The following MAGI1 variants were observed in gnomAD, a reference collection of about 807,000 sequenced individuals.
MAGI1 encodes membrane-associated guanylate kinase, WW and PDZ domain-containing protein 1.
A neutral mutation model predicts 139.9 loss-of-function variants in MAGI1; 58 were observed. The observed-to-expected ratio is 0.41, with a 90% confidence interval of 0.34 to 0.52. The LOEUF (loss-of-function observed/expected upper bound fraction) is 0.52, where lower values mean the gene tolerates loss of function less well. MAGI1 is among the 20% of genes least tolerant of loss of function. MAGI1 has a pLI of 0.12. For missense variants in MAGI1, 1,874 were observed against 1,901.6 expected, an observed-to-expected ratio of 0.99 and a Z score of 0.27; for synonymous variants, 812 against 737.9, an observed-to-expected ratio of 1.10 and a Z score of -1.63.
At chr3:65,572,052 C>T (rs956772851) in intron 2 of MAGI1, among the ~76,000 whole-genome samples, 3 of 151,998 alleles carry the variant, frequency 2.0e-5, no homozygotes, top group African/African-American at 7.2e-5. Context: ...AAAGATTATC[C>T]TTTAACAGGA....
At chr3:65,667,876 A>AT (rs1230389811) in intron 1 of MAGI1, among the ~76,000 whole-genome samples, 2 of 151,906 alleles carry the variant, frequency 1.3e-5, no homozygotes, top group Non-Finnish European at 2.9e-5. Context: ...GAAGAAACCA[A>AT]TTTTTTTTAA....
At chr3:66,002,545 C>G (rs765564084) in intron 1 of MAGI1, among the ~76,000 whole-genome samples, 1 of 152,056 alleles carries the variant, frequency 6.6e-6, no homozygotes, top group African/African-American at 2.4e-5. Flanking sequence ...GGGACAGACT[C>G]TCACTCTCTT....
intron 13 of MAGI1, among the ~76,000 whole-genome samples, chr3:65,394,075 G>A (rs1389929454): frequency 6.6e-6 from 1 of 152,112 alleles, no homozygotes; most frequent in Non-Finnish European, 1.5e-5. Flanking sequence ...GATTCAGCAT[G>A]TCACGTCATG....
At chr3:65,884,003 A>G (rs62245747) in intron 1 of MAGI1, among the ~76,000 whole-genome samples, 26,750 of 152,228 alleles carry the variant, frequency 0.18, 2,638 homozygotes, top group Middle Eastern at 0.29. Flanking sequence ...AAAAATCAGA[A>G]AGAAGGAAAA....
At chr3:65,401,389 C>CCCCCCAA in intron 13 of MAGI1, 50 bp downstream of exon 13, 3 of 1,548,724 alleles carry the variant, frequency 1.9e-6, no homozygotes, top group Non-Finnish European at 1.8e-6. Context: ...TCCAGCCCCC[C>CCCCCCAA]ACCATCCACC....
At chr3:65,838,394 T>G (rs535157627) in intron 1 of MAGI1, among the ~76,000 whole-genome samples, 2 of 152,212 alleles carry the variant, frequency 1.3e-5, no homozygotes, top group Non-Finnish European at 2.9e-5. Context: ...CTTTAGTGCA[T>G]ACACACCTCT....
intron 2 of MAGI1, among the ~76,000 whole-genome samples, chr3:65,511,241 A>G (rs1576113066): frequency 6.6e-6 from 1 of 150,662 alleles, no homozygotes; most frequent in South Asian, 2.1e-4. Flanking sequence ...AAGAAACTGC[A>G]TCAACTAATG....
intron 1 of MAGI1, among the ~76,000 whole-genome samples, chr3:65,857,987 T>TAGTC (rs1246890205): frequency 1.3e-5 from 2 of 152,136 alleles, no homozygotes; most frequent in Non-Finnish European, 2.9e-5. Context: ...CTTGTGCCTA[T>TAGTC]AGTCCCAGCT....
intron 1 of MAGI1, among the ~76,000 whole-genome samples, chr3:65,726,058 A>C (rs2033568669): frequency 6.6e-6 from 1 of 152,204 alleles, no homozygotes. Context: ...TTCTTGGCAG[A>C]GTATAGTAAA....
At chr3:65,947,496 A>T (rs1431641397) in intron 1 of MAGI1, among the ~76,000 whole-genome samples, 1 of 152,222 alleles carries the variant, frequency 6.6e-6, no homozygotes, top group Admixed American at 6.5e-5. Context: ...AAATCATCAA[A>T]TGAATACACT....
rs761253968 is a variant in MAGI1, at chr3:65,538,177, T to C, written c.431-44546A>G. ...TAAATAAAATAAATGTAAACAGTTA[T>C]GTTTACAACACCCTCTGCCTTTTCC... On this transcript the variant is annotated intron_variant, in intron 2 of 22. Coordinates refer to ENST00000402939, the MANE Select transcript of MAGI1 (RefSeq NM_001033057.2). Among the ~76,000 whole-genome samples the C allele has an allele frequency of 1.3e-3, 200 of 152,178 alleles. 4 individuals carry two copies. Among genetic ancestry groups the C allele is most frequent in the Non-Finnish European group, 4.3e-4 (29 of 68,026 alleles).
intron 1 of MAGI1, among the ~76,000 whole-genome samples, chr3:65,821,923 CAGA>C (rs1218569218): frequency 7.2e-5 from 11 of 152,208 alleles, no homozygotes; most frequent in Admixed American, 2.0e-4. Context: ...TATGATTTTT[CAGA>C]AGTTCTTTTC....
intron 1 of MAGI1, among the ~76,000 whole-genome samples, chr3:65,883,768 G>C (rs36016219): frequency 0.2 from 30,932 of 152,108 alleles, 3,291 homozygotes; most frequent in Middle Eastern, 0.3. Flanking sequence ...TCAGACAGAG[G>C]GAGAAACAAT....
chr3:65,990,714 T>C (rs1262054124), intron 1 of MAGI1, among the ~76,000 whole-genome samples: 2 of 152,274 alleles, frequency 1.3e-5, no homozygotes, highest in Non-Finnish European at 2.9e-5. Context: ...ATATAGGCCA[T>C]TGTGCAGAAG....
chr3:65,477,807 C>T (rs1465194340), intron 4 of MAGI1, among the ~76,000 whole-genome samples: 1 of 151,048 alleles, frequency 6.6e-6, no homozygotes, highest in East Asian at 1.9e-4. Context: ...GCAATCTTTG[C>T]CCTTCAGGGA....
intron 1 of MAGI1, among the ~76,000 whole-genome samples, chr3:65,650,855 C>T (rs527503408): frequency 1.6e-4 from 24 of 152,244 alleles, no homozygotes; most frequent in African/African-American, 3.6e-4. Context: ...AACTACTATA[C>T]GATTCTTACA....
intron 1 of MAGI1, among the ~76,000 whole-genome samples, chr3:65,766,345 T>C (rs2037472097): frequency 6.6e-6 from 1 of 152,118 alleles, no homozygotes; most frequent in African/African-American, 2.4e-5. Context: ...ATACCCAAGC[T>C]ATTGTGATTC....
chr3:65,845,761 T>C (rs1385238731), intron 1 of MAGI1, among the ~76,000 whole-genome samples: 4 of 152,202 alleles, frequency 2.6e-5, no homozygotes, highest in African/African-American at 9.7e-5. Context: ...GCCACACCTG[T>C]CTCGACCTTC....
chr3:65,358,450 T>C (rs554307509), intron 22 of MAGI1, among the ~76,000 whole-genome samples: 1 of 152,162 alleles, frequency 6.6e-6, no homozygotes, highest in African/African-American at 2.4e-5. Flanking sequence ...AAACCTAGAG[T>C]GGGTTTTTAA....
Sources: allele counts gnomAD v4.1 joint callset (sites outside exome capture counted in the v4.1 genomes callset), GRCh38; gene constraint gnomAD v4.1.1; transcripts MANE v1.5; gene names NCBI Gene and HGNC (gene_info 2026-07-23, HGNC 2026-07-21).